Variants in THADA observed in about 807,000 individuals in gnomAD.
THADA encodes the protein tRNA (32-2'-O)-methyltransferase regulator THADA.
In THADA, 213 loss-of-function variants were observed where a neutral mutation model predicts 219.8. That is an observed-to-expected ratio of 0.97 (90% confidence interval 0.87 to 1.09). The LOEUF is 1.09. THADA is among the 50% of genes least tolerant of loss of function. The probability of loss-of-function intolerance (pLI) is 0.00; values close to 1 mark genes in which losing one functional copy is unlikely to be tolerated. For synonymous variants in THADA, 1,018 were observed against 828.9 expected (o/e 1.23, Z -3.92); for missense variants, 2,956 against 2,311.3 (o/e 1.28, Z -5.72).
intron 12 of THADA, 44 bp from the exon 13 acceptor site, chr2:43,571,906 A>C (rs774914907): frequency 6.3e-7 from 1 of 1,589,900 alleles, no homozygotes; most frequent in Non-Finnish European, 8.6e-7. Context: ...CCAAGAAATA[A>C]GCAAAGCCTA....
At chr2:43,265,243 G>A (rs770636122) in intron 36 of THADA, among the ~76,000 whole-genome samples, 1 of 152,214 alleles carries the variant, frequency 6.6e-6, no homozygotes, top group Non-Finnish European at 1.5e-5. Context: ...CCCAGACCCA[G>A]TGCATCTGGA....
At chr2:43,376,466 G>A (rs1671392386) in intron 29 of THADA, among the ~76,000 whole-genome samples, 1 of 152,176 alleles carries the variant, frequency 6.6e-6, no homozygotes, top group Non-Finnish European at 1.5e-5. Context: ...GATGCCCTCA[G>A]ACAACGATAA....
At position 43,231,158 on chromosome 2, in the gene THADA, C is replaced by G; in HGVS notation, c.5652G>C (p.Gln1884His). ...MVSEQCHLLS[Q>H]FFRELPPAAE... ...CAGCTGGTGGAAGCTCTCTGAAGAA[C>G]TGAGACAGGAGGTGGCACTGCTCTG... Residue 1884 changes from glutamine to histidine, a missense_variant, in exon 38 of 38, where the codon CAG (glutamine) becomes CAC (histidine). By Grantham distance (24) the Gln-to-His change is conservative. Coordinates refer to ENST00000405975, the MANE Select transcript of THADA (RefSeq NM_022065.5). 1 of 1,613,804 alleles carries G rather than the reference C, an allele frequency of 6.2e-7. No individual in the cohort carries two copies. The highest frequency in any genetic ancestry group is 8.5e-7 in the Non-Finnish European group (1 of 1,179,764).
intron 30 of THADA, among the ~76,000 whole-genome samples, chr2:43,334,959 C>T (rs1174463122): frequency 6.6e-6 from 1 of 152,116 alleles, no homozygotes; most frequent in Non-Finnish European, 1.5e-5. Flanking sequence ...GTAGCCTCAG[C>T]CCTCTCCTGT....
chr2:43,474,111 G>C (rs1233462076), intron 26 of THADA, among the ~76,000 whole-genome samples: 1 of 152,212 alleles, frequency 6.6e-6, no homozygotes, highest in Non-Finnish European at 1.5e-5. Context: ...GTACAGGTAG[G>C]AGAGGCATAT....
intron 26 of THADA, among the ~76,000 whole-genome samples, chr2:43,441,693 T>C (rs1680863425): frequency 2.0e-5 from 3 of 152,190 alleles, no homozygotes; most frequent in South Asian, 4.1e-4. Context: ...AGTGTCTCCA[T>C]ATAAAAGAAT....
chr2:43,398,180 T>C (rs150792993), intron 28 of THADA, 41 bp from the exon 29 acceptor site: 2 of 1,591,776 alleles, frequency 1.3e-6, no homozygotes, highest in East Asian at 2.2e-5. Context: ...AATAGTCATC[T>C]CCACATCTGT....
intron 26 of THADA, among the ~76,000 whole-genome samples, chr2:43,479,719 T>C (rs918197880): frequency 6.6e-6 from 1 of 152,234 alleles, no homozygotes; most frequent in African/African-American, 2.4e-5. Flanking sequence ...TCTACCTTCA[T>C]AGTTTTACGA....
rs545532969 is a variant in THADA, at chr2:43,548,776, C to A, written c.3106+434G>T. 2.0e-5 allele frequency among the ~76,000 whole-genome samples: 3 copies of A among 152,340 alleles called. No homozygotes were observed. In the East Asian group the frequency reaches 5.8e-4, roughly 29 times the overall value. On this transcript the variant is annotated intron_variant, in intron 20 of 37. Transcript: ENST00000405975. ...ATTTTCCAGGTACCGTCTGTCACCCCTTTCTTTGACTAGGAAAGGGAACTC... is the reference window on the plus strand; with the variant it reads ...ATTTTCCAGGTACCGTCTGTCACCCATTTCTTTGACTAGGAAAGGGAACTC...
intron 36 of THADA, among the ~76,000 whole-genome samples, chr2:43,241,148 G>C (rs1668580931): frequency 6.6e-6 from 1 of 152,078 alleles, no homozygotes; most frequent in Non-Finnish European, 1.5e-5. Context: ...CTAGGGCAAA[G>C]TGGCACAATC....
intron 29 of THADA, among the ~76,000 whole-genome samples, chr2:43,358,245 T>G (rs1320145349): frequency 1.3e-5 from 2 of 152,238 alleles, no homozygotes; most frequent in East Asian, 3.8e-4. Context: ...ATATATTCTT[T>G]TTTTGTCATA....
chr2:43,346,548 G>A (rs537991919), intron 29 of THADA, among the ~76,000 whole-genome samples: 16 of 152,304 alleles, frequency 1.1e-4, no homozygotes, highest in African/African-American at 3.6e-4. Context: ...ACCCAGGCCT[G>A]TACTGAACCA....
intron 30 of THADA, among the ~76,000 whole-genome samples, chr2:43,329,907 A>G (rs531322076): frequency 6.6e-6 from 1 of 152,342 alleles, no homozygotes; most frequent in East Asian, 1.9e-4. Flanking sequence ...ATTTGACAAT[A>G]GATAGTTCCC....
chr2:43,439,186 A>C (rs1216904440), intron 26 of THADA, among the ~76,000 whole-genome samples: 2 of 152,238 alleles, frequency 1.3e-5, no homozygotes, highest in African/African-American at 4.8e-5. Context: ...GAAAATATTA[A>C]ACGGAAAATT....
intron 28 of THADA, among the ~76,000 whole-genome samples, chr2:43,412,146 A>G (rs1272160244): frequency 6.6e-6 from 1 of 152,194 alleles, no homozygotes; most frequent in Non-Finnish European, 1.5e-5. Context: ...ATGAATATAA[A>G]AAGAAGAAAA....
At chr2:43,391,129 A>G (rs1418295975) in intron 29 of THADA, among the ~76,000 whole-genome samples, 1 of 152,106 alleles carries the variant, frequency 6.6e-6, no homozygotes, top group African/African-American at 2.4e-5. Flanking sequence ...CTCTGTAGGA[A>G]CTCAGTGACT....
chr2:43,552,335 G>C lies in THADA; in HGVS notation c.2679C>G (p.Ile893Met). ...AVVERNTLMV[I>M]KCLMENLEEE... Reference sequence around the variant, plus strand: ...CCTCAAGATTTTCCATCAAGCATTTGATAACTAGAAAAAGCAAACAGAAAA... The same window carrying C: ...CCTCAAGATTTTCCATCAAGCATTTCATAACTAGAAAAAGCAAACAGAAAA... Residue 893 changes from isoleucine (I) to methionine (M), a missense_variant, in exon 18 of 38, where the codon ATC (isoleucine) becomes ATG (methionine). Coordinates refer to ENST00000405975, the MANE Select transcript of THADA (RefSeq NM_022065.5). The C allele has an allele frequency of 6.3e-7, 1 of 1,586,158 alleles. No homozygotes were observed. The highest frequency in any genetic ancestry group is 8.5e-7 in the Non-Finnish European group (1 of 1,171,222).
chr2:43,430,594 C>T (rs1416014456), intron 26 of THADA: 1 of 473,350 alleles, frequency 2.1e-6, no homozygotes. Flanking sequence ...TGTGCCAATG[C>T]CAAGTTTCCA....
At chr2:43,394,606 T>C (rs1263210732) in intron 29 of THADA, among the ~76,000 whole-genome samples, 2 of 152,176 alleles carry the variant, frequency 1.3e-5, no homozygotes. Context: ...AAGGTAGCTT[T>C]ATGTGGAGAG....
Sources: allele counts gnomAD v4.1 joint callset (sites outside exome capture counted in the v4.1 genomes callset), GRCh38; gene constraint gnomAD v4.1.1; transcripts MANE v1.5; gene names NCBI Gene and HGNC (gene_info 2026-07-23, HGNC 2026-07-21).